Variants in LRRTM4 observed in about 807,000 individuals in gnomAD.
LRRTM4 encodes leucine rich repeat transmembrane neuronal 4, also known as leucine-rich repeat transmembrane neuronal protein 4.
LRRTM4 carries 25 observed loss-of-function variants against 47.6 expected under a neutral mutation model. The ratio of observed to expected loss-of-function variants is 0.53; its 90% CI spans 0.38 to 0.73. The LOEUF (loss-of-function observed/expected upper bound fraction) is 0.73, where lower values mean the gene tolerates loss of function less well. Ranked by LOEUF, LRRTM4 falls within the 30% of genes least tolerant of loss-of-function variation. The pLI is 0.00. For missense variants in LRRTM4, 638 were observed against 713.4 expected (o/e 0.89, Z 1.20); for synonymous variants, 311 against 269.5 (o/e 1.15, Z -1.51).
chr2:76,835,665 A>C (rs926663969), intron 3 of LRRTM4, among the ~76,000 whole-genome samples: 3 of 152,214 alleles, frequency 2.0e-5, no homozygotes, highest in Admixed American at 6.5e-5. Flanking sequence ...AAGCAATAGC[A>C]AATGTGTTTG....
intron 3 of LRRTM4, among the ~76,000 whole-genome samples, chr2:76,814,153 T>C (rs1170117829): frequency 1.3e-5 from 2 of 152,152 alleles, no homozygotes; most frequent in Non-Finnish European, 2.9e-5. Context: ...GTTACAGTTT[T>C]TGGTAAAATA....
intron 3 of LRRTM4, among the ~76,000 whole-genome samples, chr2:77,122,066 C>T (rs1280728563): frequency 6.6e-6 from 1 of 151,678 alleles, no homozygotes; most frequent in African/African-American, 2.4e-5. Flanking sequence ...TTATTCTACC[C>T]AGTATGTATT....
chr2:76,807,247 A>G (rs534165934), intron 3 of LRRTM4, among the ~76,000 whole-genome samples: 1 of 151,844 alleles, frequency 6.6e-6, no homozygotes, highest in African/African-American at 2.4e-5. Flanking sequence ...CAAATTTTCA[A>G]CTGCAAGGAC....
intron 3 of LRRTM4, among the ~76,000 whole-genome samples, chr2:77,134,958 AG>A (rs1671894343): frequency 6.6e-6 from 1 of 152,022 alleles, no homozygotes; most frequent in East Asian, 1.9e-4. Context: ...ATTTAGAAAG[AG>A]GATAAAATCC....
intron 3 of LRRTM4, among the ~76,000 whole-genome samples, chr2:76,812,673 C>CTTGCTTTCTTTCTTTCTTTCTT (rs1553413488): frequency 2.0e-5 from 3 of 147,818 alleles, no homozygotes; most frequent in East Asian, 2.0e-4. Flanking sequence ...TACAAATAAG[C>CTTGCTTTCTTTCTTTCTTTCTT]TCTTTCTTTC....
chr2:76,786,323 G>T (rs1443966516), intron 3 of LRRTM4, among the ~76,000 whole-genome samples: 1 of 152,030 alleles, frequency 6.6e-6, no homozygotes, highest in Non-Finnish European at 1.5e-5. Flanking sequence ...ATTTATAACA[G>T]ATAGAACAAA....
At chr2:77,014,362 C>T (rs1677980653) in intron 3 of LRRTM4, among the ~76,000 whole-genome samples, 1 of 152,018 alleles carries the variant, frequency 6.6e-6, no homozygotes, top group Non-Finnish European at 1.5e-5. Context: ...AATAGCTACT[C>T]ACTGAAATAT....
At chr2:77,165,112 A>G (rs537086646) in intron 3 of LRRTM4, among the ~76,000 whole-genome samples, 35 of 152,260 alleles carry the variant, frequency 2.3e-4, no homozygotes, top group African/African-American at 8.4e-4. Flanking sequence ...TAGATGCAAT[A>G]AAAAATGATA....
intron 3 of LRRTM4, among the ~76,000 whole-genome samples, chr2:77,246,959 C>T (rs2104003740): frequency 6.6e-6 from 1 of 151,884 alleles, no homozygotes; most frequent in African/African-American, 2.4e-5. Flanking sequence ...GCAAATATGC[C>T]AGCATATATA....
chr2:77,172,438 T>C (rs1231016012), intron 3 of LRRTM4, among the ~76,000 whole-genome samples: 2 of 151,806 alleles, frequency 1.3e-5, no homozygotes, highest in Non-Finnish European at 1.5e-5. Flanking sequence ...CTAGTAAAAA[T>C]ACAAAACTAG....
At chr2:76,900,937 T>A (rs1317924008) in intron 3 of LRRTM4, among the ~76,000 whole-genome samples, 1 of 152,184 alleles carries the variant, frequency 6.6e-6, no homozygotes, top group African/African-American at 2.4e-5. Context: ...AATACGCCAA[T>A]GCATGCATTT....
intron 3 of LRRTM4, among the ~76,000 whole-genome samples, chr2:76,947,865 G>A (rs1675373352): frequency 2.6e-5 from 4 of 151,724 alleles, no homozygotes; most frequent in Admixed American, 2.6e-4. Context: ...TCTTATCAGA[G>A]CCCAAGCAAA....
At chr2:77,061,120 C>A (rs1377484257) in intron 3 of LRRTM4, among the ~76,000 whole-genome samples, 1 of 150,314 alleles carries the variant, frequency 6.7e-6, no homozygotes, top group Non-Finnish European at 1.5e-5. Flanking sequence ...TTTTTTTTAA[C>A]CCCAGTTTCT....
At chr2:77,257,740 A>G (rs1675808946) in intron 3 of LRRTM4, among the ~76,000 whole-genome samples, 1 of 152,076 alleles carries the variant, frequency 6.6e-6, no homozygotes, top group East Asian at 1.9e-4. Flanking sequence ...ACACACACAC[A>G]CACACACAAA....
chr2:77,495,791 TTGAAA>T (rs1213772087), intron 3 of LRRTM4, among the ~76,000 whole-genome samples: 1 of 152,070 alleles, frequency 6.6e-6, no homozygotes, highest in Non-Finnish European at 1.5e-5. Flanking sequence ...TTTGTAAGTC[TTGAAA>T]TAAGATAGTG....
intron 3 of LRRTM4, among the ~76,000 whole-genome samples, chr2:77,498,337 C>T (rs757725002): frequency 6.6e-6 from 1 of 151,802 alleles, no homozygotes; most frequent in Non-Finnish European, 1.5e-5. Flanking sequence ...TAGAAAATTA[C>T]AGAAGTGCCT....
At chr2:77,148,244 C>A (rs1272289094) in intron 3 of LRRTM4, among the ~76,000 whole-genome samples, 1 of 152,140 alleles carries the variant, frequency 6.6e-6, no homozygotes, top group Non-Finnish European at 1.5e-5. Context: ...TTGGCAAATG[C>A]ACTTTGAGAA....
rs76662796 is a variant in LRRTM4, at chr2:76,984,823, T to C, written c.1552-235907A>G. Reference sequence around the variant, plus strand: ...CTGCAGTTCAAAGCATTCCTAACTATATTGCTGCTCACACTCAAGTTAACA... The same window carrying C: ...CTGCAGTTCAAAGCATTCCTAACTACATTGCTGCTCACACTCAAGTTAACA... On this transcript the variant is annotated intron_variant, in intron 3 of 3. Transcript: ENST00000409884. 2.2e-3 allele frequency among the ~76,000 whole-genome samples: 340 copies of C among 152,128 alleles called. 1 individual carries two copies. The highest frequency in any genetic ancestry group is 8.1e-3 in the African/African-American group (335 of 41,548).
At chr2:77,383,991 A>T (rs979039581) in intron 3 of LRRTM4, among the ~76,000 whole-genome samples, 1 of 152,154 alleles carries the variant, frequency 6.6e-6, no homozygotes, top group Non-Finnish European at 1.5e-5. Context: ...ATATAAATGC[A>T]TGACAGATAC....
Sources: gnomAD v4.1 joint callset for allele counts (sites outside exome capture counted in the v4.1 genomes callset) on GRCh38, gnomAD v4.1.1 for gene constraint, MANE v1.5 for transcripts, NCBI Gene and HGNC (gene_info 2026-07-23, HGNC 2026-07-21) for gene names.